Variants in LRP2 observed in about 807,000 individuals in gnomAD.
The protein encoded by LRP2 is LDL receptor related protein 2.
A neutral mutation model predicts 531.0 loss-of-function variants in LRP2; 172 were observed. That is an observed-to-expected ratio of 0.32 (90% CI 0.29 to 0.37). The LOEUF is 0.37. LRP2 is among the 10% of genes least tolerant of loss of function. The probability of loss-of-function intolerance (pLI) is 1.00; values close to 1 mark genes in which losing one functional copy is unlikely to be tolerated. For missense variants in LRP2, 5,167 were observed against 5,868.3 expected (o/e 0.88, Z 3.90); for synonymous variants, 1,992 against 2,027.6 (o/e 0.98, Z 0.47).
intron 1 of LRP2, among the ~76,000 whole-genome samples, chr2:169,360,419 C>G (rs1159579776): frequency 6.9e-6 from 1 of 145,042 alleles, no homozygotes; most frequent in Non-Finnish European, 1.6e-5. Context: ...TATTACTATA[C>G]ACATTATTAT....
intron 24 of LRP2, among the ~76,000 whole-genome samples, chr2:169,242,744 A>C (rs1373787897): frequency 6.6e-6 from 1 of 152,230 alleles, no homozygotes; most frequent in Non-Finnish European, 1.5e-5. Flanking sequence ...AGACTATTTG[A>C]AGTGTCCATT....
At chr2:169,202,996 A>T in intron 42 of LRP2, 37 bp from the exon 43 acceptor site, 1 of 1,577,442 alleles carries the variant, frequency 6.3e-7, no homozygotes, top group Non-Finnish European at 8.7e-7. Context: ...TAAAAGATGG[A>T]TGCAGCCACC....
chr2:169,289,236 C>A (rs2105464927), intron 8 of LRP2, 91 bp from the exon 9 acceptor site: 1 of 1,503,414 alleles, frequency 6.7e-7, no homozygotes, highest in Non-Finnish European at 9.2e-7. Flanking sequence ...AGTAGCAGCT[C>A]AGTAAGCATG....
In LRP2 at chr2:169,206,951, T is replaced by C. The variant is rs756699137; in HGVS notation, c.6769A>G (p.Ile2257Val). Residue 2257 changes from isoleucine (I) to valine (V), a missense_variant, in exon 39 of 79, where the codon ATA becomes GTA. Ile to Val is a conservative substitution (Grantham distance 29). This residue lies in a region of LRP2 where 2,811 missense variants were observed against 3,058.0 expected (regional missense o/e 0.92). Transcript: ENST00000649046. The part of the protein sequence containing the change: ...YVYWVDDSLD[I>V]IARIRINGEN... ...CCATTGATACGAATCCTTGCAATTA[T>C]ATCTAAAGAATCATCAACCCAATAA... 5.6e-6 allele frequency: 9 copies of C among 1,614,232 alleles called. No individual in the cohort carries two copies. Among genetic ancestry groups the C allele is most frequent in the South Asian group, 2.2e-5 (2 of 91,086 alleles).
intron 1 of LRP2, among the ~76,000 whole-genome samples, chr2:169,343,330 T>C (rs1175969416): frequency 6.6e-6 from 1 of 152,194 alleles, no homozygotes; most frequent in Non-Finnish European, 1.5e-5. Context: ...TCTAGTAGTT[T>C]CATCTGCTTT....
chr2:169,218,458 A>G (rs1048393673), intron 34 of LRP2, among the ~76,000 whole-genome samples: 2 of 152,012 alleles, frequency 1.3e-5, no homozygotes, highest in Non-Finnish European at 2.9e-5. Context: ...GTGGCTCTTA[A>G]TCTTATATGA....
chr2:169,152,885 G>A lies in LRP2; in HGVS notation c.12375C>T (p.Ser4125=), dbSNP rs761215892. The A allele has an allele frequency of 9.9e-6, 16 of 1,613,944 alleles. No individual in the cohort carries two copies. Among genetic ancestry groups the A allele is most frequent in the African/African-American group, 2.7e-5 (2 of 74,894 alleles). Residue 4125 remains serine (S), a synonymous_variant, in exon 67 of 79, where the codon TCC becomes TCT. Transcript: ENST00000649046. ...CTTCCTGCACAAGATTATTGCGGCC[G>A]GATTCAAAGTTGGGGATGTAGGCAC... The part of the protein sequence containing the change: ...IKRAYIPNFE[S]GRNNLVQEVD...
At chr2:169,244,591 A>C in intron 22 of LRP2, 102 bp downstream of exon 22, 2 of 1,481,506 alleles carry the variant, frequency 1.3e-6, no homozygotes, top group African/African-American at 2.8e-5. Context: ...TAAAGAGACA[A>C]TGAAAATTGC....
At position 169,205,036 on chromosome 2, in the gene LRP2, C is replaced by CT. The variant is rs59405840; in HGVS notation, c.7715+442dup. On this transcript the variant is annotated intron_variant, in intron 41 of 78. Coordinates refer to ENST00000649046, the MANE Select transcript of LRP2 (RefSeq NM_004525.3). Reference sequence around the variant, plus strand: ...GTCAAAGACTGAAGAAAAGAATTTTCTTTTTTTTTTTTTAAGAAAAGAATT... The same window carrying CT: ...GTCAAAGACTGAAGAAAAGAATTTTCTTTTTTTTTTTTTTAAGAAAAGAATT... Among the ~76,000 whole-genome samples, 164 of 141,154 alleles carry CT rather than the reference C, an allele frequency of 1.2e-3. 1 individual carries two copies. Among genetic ancestry groups the CT allele is most frequent in the East Asian group, 1.4e-3 (7 of 4,858 alleles). The allele number at this position is 141,154 out of a possible 152,430, so 92.6% of individuals were successfully genotyped here. A position where few individuals can be genotyped will look rare whatever the true frequency, so the allele number is the denominator to read the frequency against.
chr2:169,223,071 G>C (rs2105356679), intron 33 of LRP2, among the ~76,000 whole-genome samples: 1 of 152,248 alleles, frequency 6.6e-6, no homozygotes, highest in East Asian at 1.9e-4. Flanking sequence ...TTCATCTTAG[G>C]ATATCCAGGA....
intron 4 of LRP2, among the ~76,000 whole-genome samples, chr2:169,303,740 G>A (rs1229698603): frequency 6.6e-6 from 1 of 151,900 alleles, no homozygotes; most frequent in African/African-American, 2.4e-5. Context: ...CAAGGTAGAG[G>A]GAAATAGGAA....
intron 16 of LRP2, 126 bp from the exon 17 acceptor site, chr2:169,259,343 T>A: frequency 4.6e-6 from 2 of 435,538 alleles, no homozygotes; most frequent in African/African-American, 3.5e-5. Flanking sequence ...TGTGGAATTC[T>A]TTAAAAAAAA....
intron 4 of LRP2, among the ~76,000 whole-genome samples, chr2:169,296,548 A>G (rs1684138174): frequency 6.6e-6 from 1 of 151,962 alleles, no homozygotes; most frequent in African/African-American, 2.4e-5. Context: ...TCAATGTGTT[A>G]TCTAGCCTTT....
At chr2:169,169,433 T>C (rs1686910605) in intron 60 of LRP2, among the ~76,000 whole-genome samples, 1 of 152,256 alleles carries the variant, frequency 6.6e-6, no homozygotes, top group African/African-American at 2.4e-5. Context: ...TAATGATTTG[T>C]ATAGTAGCTG....
Position 169,279,672 on chromosome 2 carries a change from A to G in LRP2, c.1342-77T>C, listed in dbSNP as rs1683649532. ...GTTTGTTTTGATTTTTTTTAGCTAT[A>G]ATCAAATCAGAAGTGCTAAAAATCT... On this transcript the variant is annotated intron_variant, in intron 11 of 78. Coordinates refer to ENST00000649046, the MANE Select transcript of LRP2 (RefSeq NM_004525.3). 3.4e-6 allele frequency: 3 copies of G among 877,462 alleles called. No individual in the cohort carries two copies. The East Asian group carries it at 7.7e-5, about 23-fold the overall frequency. 54.4% of individuals were successfully genotyped at this position (877,462 alleles called of 1,614,324 possible).
chr2:169,236,913 T>C (rs1372818901), intron 28 of LRP2, among the ~76,000 whole-genome samples, 190 bp downstream of exon 28: 1 of 152,216 alleles, frequency 6.6e-6, no homozygotes, highest in East Asian at 1.9e-4. Context: ...TGCTCTTATG[T>C]ACTTTATGAA....
At chr2:169,173,631 T>A (rs757505194) in intron 56 of LRP2, among the ~76,000 whole-genome samples, 9 of 152,208 alleles carry the variant, frequency 5.9e-5, no homozygotes, top group Non-Finnish European at 1.3e-4. Context: ...GTGGCTCAAG[T>A]GAGAAAGCAG....
chr2:169,331,988 C>G (rs2105540171), intron 1 of LRP2, among the ~76,000 whole-genome samples: 1 of 152,344 alleles, frequency 6.6e-6, no homozygotes, highest in African/African-American at 2.4e-5. Context: ...TTCAGACTAG[C>G]ATTGATAGAC....
At position 169,175,199 on chromosome 2, in the gene LRP2, G is replaced by C. The variant is rs1173031751; in HGVS notation, c.10762C>G (p.Leu3588Val). ...CPDGSDEDRLLCENHHCDSNE... is the reference protein window; with the variant it reads ...CPDGSDEDRLVCENHHCDSNE... ...ATAAAGCGACTCAACACACCACAAA[G>C]AAGACGGTCTTCATCAGACCCATCA... is the stretch of plus-strand genomic sequence containing the variant. Residue 3588 changes from leucine to valine, a missense_variant, in exon 55 of 79, where the codon CTT (leucine) becomes GTT (valine). By Grantham distance (32) the Leu-to-Val change is conservative. Transcript: ENST00000649046. The C allele has an allele frequency of 1.2e-6, 2 of 1,614,038 alleles. No homozygotes were observed. Among genetic ancestry groups the C allele is most frequent in the South Asian group, 1.1e-5 (1 of 91,076 alleles).
Sources: allele counts gnomAD v4.1 joint callset (sites outside exome capture counted in the v4.1 genomes callset), GRCh38; gene constraint gnomAD v4.1.1; regional missense constraint gnomAD v4.1.1; transcripts MANE v1.5; gene names NCBI Gene and HGNC (gene_info 2026-07-23, HGNC 2026-07-21).